The following CHMP5 variants were observed in gnomAD, a reference collection of about 807,000 sequenced individuals.
CHMP5 encodes SNF7 domain containing 2.
A neutral mutation model predicts 33.0 loss-of-function variants in CHMP5; 17 were observed. The ratio of observed to expected loss-of-function variants is 0.52; its 90% CI spans 0.35 to 0.77. The LOEUF (loss-of-function observed/expected upper bound fraction) is 0.77. CHMP5 is among the 30% of genes least tolerant of loss of function. The probability of loss-of-function intolerance (pLI) is 0.01; values close to 1 mark genes in which losing one functional copy is unlikely to be tolerated. For synonymous variants in CHMP5, 76 were observed against 90.2 expected (o/e 0.84, Z 0.89); for missense variants, 216 against 261.5 (o/e 0.83, Z 1.20).
At chr9:33,278,514 A>G (rs1820881725) in intron 7 of CHMP5, among the ~76,000 whole-genome samples, 1 of 152,226 alleles carries the variant, frequency 6.6e-6, no homozygotes, top group Admixed American at 6.5e-5. Context: ...GGTCTTAGAC[A>G]TTTCCTGTAA....
intron 5 of CHMP5, 93 bp downstream of exon 5, chr9:33,271,316 A>C: frequency 6.8e-6 from 7 of 1,027,310 alleles, no homozygotes; most frequent in Non-Finnish European, 1.1e-5. Flanking sequence ...CAGGAGAGGA[A>C]CTGAATCTTG....
chr9:33,265,940 C>T (rs1040638687), intron 1 of CHMP5, 70 bp from the exon 2 acceptor site: 2 of 980,270 alleles, frequency 2.0e-6, no homozygotes, highest in Non-Finnish European at 3.2e-6. Flanking sequence ...GTATTCCTTC[C>T]TCTCTACCTG....
chr9:33,273,942 C>A (rs1336618906), intron 5 of CHMP5, among the ~76,000 whole-genome samples: 3 of 151,880 alleles, frequency 2.0e-5, no homozygotes, highest in Admixed American at 6.6e-5. Flanking sequence ...TCAGCCAGTG[C>A]TTCTCTGTGT....
Position 33,268,341 on chromosome 9 carries a change from C to T in CHMP5, c.221+442C>T, listed in dbSNP as rs192822040. 1.5e-3 allele frequency among the ~76,000 whole-genome samples: 221 copies of T among 152,190 alleles called. 1 individual carries two copies. The highest frequency in any genetic ancestry group is 5.2e-3 in the African/African-American group (214 of 41,522). ...TGTTTTTGTTTGTGAAGTTAGGAAT[C>T]CTAAATGTTTGTTCCCTCCCACCAG... is the stretch of plus-strand genomic sequence containing the variant. On this transcript the variant is annotated intron_variant, in intron 3 of 7. Coordinates refer to ENST00000223500, the MANE Select transcript of CHMP5 (RefSeq NM_016410.6).
At position 33,280,785 on chromosome 9, in the gene CHMP5, C is replaced by G. The variant is rs539912614; in HGVS notation, c.610-24C>G. ...TTTATCAAATAGAAAAATAGTGGCACTAAACATTGCTTCCTTTTTACAGGA... is the reference window on the plus strand; with the variant it reads ...TTTATCAAATAGAAAAATAGTGGCAGTAAACATTGCTTCCTTTTTACAGGA... On this transcript the variant is annotated intron_variant, in intron 7 of 7. Coordinates refer to ENST00000223500, the MANE Select transcript of CHMP5 (RefSeq NM_016410.6). The G allele has an allele frequency of 3.1e-6, 5 of 1,589,228 alleles. No homozygotes were observed. The East Asian group carries it at 1.1e-4, about 36-fold the overall frequency.
intron 5 of CHMP5, among the ~76,000 whole-genome samples, chr9:33,272,559 CTTTGG>C (rs1162811843): frequency 6.6e-6 from 1 of 152,120 alleles, no homozygotes; most frequent in Admixed American, 6.5e-5. Flanking sequence ...AATCCCAGCA[CTTTGG>C]GAGGCCGAGG....
chr9:33,272,100 G>C (rs1287819749), intron 5 of CHMP5, among the ~76,000 whole-genome samples: 1 of 152,128 alleles, frequency 6.6e-6, no homozygotes, highest in African/African-American at 2.4e-5. Flanking sequence ...TGACCAGGGA[G>C]ATGAGCCCTA....
chr9:33,274,446 A>C (rs1369224370), intron 5 of CHMP5, among the ~76,000 whole-genome samples: 1 of 152,190 alleles, frequency 6.6e-6, no homozygotes, highest in Non-Finnish European at 1.5e-5. Flanking sequence ...CTTTTGCTTT[A>C]TCAACACTAG....
At chr9:33,274,029 T>A (rs1045352955) in intron 5 of CHMP5, among the ~76,000 whole-genome samples, 1 of 152,012 alleles carries the variant, frequency 6.6e-6, no homozygotes, top group African/African-American at 2.4e-5. Context: ...AAAAAAAAAA[T>A]TTCCCCTCCA....
intron 5 of CHMP5, among the ~76,000 whole-genome samples, chr9:33,271,785 G>T (rs1440134674): frequency 6.6e-6 from 1 of 152,178 alleles, no homozygotes. Context: ...TCTATATTAT[G>T]AGGATGAAAT....
intron 3 of CHMP5, among the ~76,000 whole-genome samples, chr9:33,268,329 G>A (rs112103489): frequency 0.022 from 3,386 of 152,260 alleles, 141 homozygotes; most frequent in African/African-American, 0.077. Flanking sequence ...TTTTGTTTGT[G>A]AAGTTAGGAA....
intron 4 of CHMP5, 63 bp downstream of exon 4, chr9:33,270,779 C>A: frequency 7.2e-7 from 1 of 1,381,252 alleles, no homozygotes. Context: ...TTTCCGATGG[C>A]TTTTTAAAGA....
intron 3 of CHMP5, 138 bp downstream of exon 3, chr9:33,268,037 A>C (rs938612707): frequency 4.5e-6 from 3 of 666,912 alleles, no homozygotes; most frequent in African/African-American, 1.8e-5. Flanking sequence ...AATTAAATAC[A>C]GTTAGCTGGG....
In CHMP5 at chr9:33,265,133, G is replaced by T; in HGVS notation, c.55G>T (p.Asp19Tyr). The T allele has an allele frequency of 6.2e-7, 1 of 1,614,130 alleles. No individual in the cohort carries two copies. Among genetic ancestry groups the T allele is most frequent in the South Asian group, 1.1e-5 (1 of 91,078 alleles). ...KPKAPPPSLT[D>Y]CIGTVDSRAE... The stretch of plus-strand genomic sequence containing the variant: ...CAAGGCTCCGCCGCCCAGCCTGACT[G>T]ACTGCATTGGCACGGTGGGCATTTG... The change falls in exon 1 of 8, where the codon GAC becomes TAC. Residue 19 changes from aspartate (D) to tyrosine (Y), a missense_variant. Transcript: ENST00000223500.
chr9:33,271,664 G>C (rs926310944), intron 5 of CHMP5, among the ~76,000 whole-genome samples: 1 of 152,178 alleles, frequency 6.6e-6, no homozygotes, highest in Non-Finnish European at 1.5e-5. Context: ...AGGTAGGCTA[G>C]GCTAAGTGAT....
In CHMP5 at chr9:33,270,664, A is replaced by G. The variant is rs1290077900; in HGVS notation, c.263A>G (p.Asn88Ser). The G allele has an allele frequency of 1.2e-6, 2 of 1,614,086 alleles. No individual in the cohort carries two copies. The highest frequency in any genetic ancestry group is 1.6e-4 in the Middle Eastern group (1 of 6,084). Residue 88 changes from asparagine (N) to serine (S), a missense_variant, in exon 4 of 8, where the codon AAC becomes AGC. Asn to Ser is a conservative substitution (Grantham distance 46, BLOSUM62 1). Coordinates refer to ENST00000223500, the MANE Select transcript of CHMP5 (RefSeq NM_016410.6). ...GACAATCTTGCCCAACAGTCATTCA[A>G]CATGGAACAAGCCAATTATACCATC... Reference protein sequence around the residue: ...QRDNLAQQSFNMEQANYTIQS... With the variant: ...QRDNLAQQSFSMEQANYTIQS...
At chr9:33,267,699 T>C (rs1371453501) in intron 2 of CHMP5, among the ~76,000 whole-genome samples, 154 bp from the exon 3 acceptor site, 1 of 151,954 alleles carries the variant, frequency 6.6e-6, no homozygotes, top group Non-Finnish European at 1.5e-5. Context: ...GAGATACCTG[T>C]TTTTGGGAGG....
At position 33,266,067 on chromosome 9, in the gene CHMP5, G is replaced by C; in HGVS notation, c.127G>C (p.Val43Leu). 2 of 1,613,560 alleles carry C rather than the reference G, an allele frequency of 1.2e-6. No homozygotes were observed. The highest frequency in any genetic ancestry group is 1.7e-6 in the Non-Finnish European group (2 of 1,179,584). The change falls in exon 2 of 8, where the codon GTG becomes CTG. Residue 43 changes from valine (V) to leucine (L), a missense_variant. Transcript: ENST00000223500. Reference sequence around the variant, plus strand: ...GATTTCTCGATTGGATGCTGAGCTAGTGAAGTATAAGGATCAGATCAAGAA... The same window carrying C: ...GATTTCTCGATTGGATGCTGAGCTACTGAAGTATAAGGATCAGATCAAGAA... ...KKISRLDAEL[V>L]KYKDQIKKMR...
intron 3 of CHMP5, among the ~76,000 whole-genome samples, chr9:33,269,104 A>C (rs1212760068): frequency 6.6e-6 from 1 of 152,238 alleles, no homozygotes. Flanking sequence ...ATAGTGACAT[A>C]AGTCTTTGAG....
Sources: allele counts gnomAD v4.1 joint callset (sites outside exome capture counted in the v4.1 genomes callset), GRCh38; gene constraint gnomAD v4.1.1; transcripts MANE v1.5; gene names NCBI Gene and HGNC (gene_info 2026-07-23, HGNC 2026-07-21).